The following KCND2 variants were observed in gnomAD, a reference collection of about 807,000 sequenced individuals.
KCND2 encodes the protein potassium voltage-gated channel subfamily D member 2, also known as A-type voltage-gated potassium channel KCND2.
A neutral mutation model predicts 54.4 loss-of-function variants in KCND2; 16 were observed. The ratio of observed to expected loss-of-function variants is 0.29; its 90% CI spans 0.20 to 0.45. KCND2 has a LOEUF of 0.45. Among genes scored for constraint, KCND2 ranks in the 20% least tolerant of loss-of-function variants. The pLI is 1.00. For synonymous variants in KCND2, 317 were observed against 310.7 expected, an observed-to-expected ratio of 1.02 and a Z score of -0.21; for missense variants, 486 against 824.2, an observed-to-expected ratio of 0.59 and a Z score of 5.02.
chr7:120,294,612 A>G (rs931097457), intron 1 of KCND2, among the ~76,000 whole-genome samples: 8 of 151,910 alleles, frequency 5.3e-5, no homozygotes, highest in Admixed American at 1.3e-4. Context: ...TATAGGTTCT[A>G]CCAAGCACCT....
intron 1 of KCND2, among the ~76,000 whole-genome samples, chr7:120,532,877 C>A (rs1285307324): frequency 6.6e-6 from 1 of 151,784 alleles, no homozygotes; most frequent in African/African-American, 2.4e-5. Flanking sequence ...ATAAGATAAG[C>A]CGCTATGTAG....
At chr7:120,535,368 A>G (rs147261631) in intron 1 of KCND2, among the ~76,000 whole-genome samples, 2 of 152,276 alleles carry the variant, frequency 1.3e-5, no homozygotes, top group African/African-American at 2.4e-5. Context: ...AAAAGTAACT[A>G]TAGGTAGACT....
At chr7:120,346,838 C>G (rs759174409) in intron 1 of KCND2, among the ~76,000 whole-genome samples, 13 of 152,116 alleles carry the variant, frequency 8.5e-5, no homozygotes, top group African/African-American at 1.9e-4. Flanking sequence ...AGACATTCCA[C>G]TGATTGACAT....
At chr7:120,495,897 T>G (rs1394797116) in intron 1 of KCND2, among the ~76,000 whole-genome samples, 1 of 152,114 alleles carries the variant, frequency 6.6e-6, no homozygotes, top group African/African-American at 2.4e-5. Context: ...CATATGGTTG[T>G]TTAACAGGCC....
At chr7:120,350,165 A>G (rs1800382214) in intron 1 of KCND2, among the ~76,000 whole-genome samples, 2 of 152,240 alleles carry the variant, frequency 1.3e-5, no homozygotes, top group South Asian at 4.1e-4. Flanking sequence ...CTTTAAATTC[A>G]GATTCTATAA....
intron 1 of KCND2, among the ~76,000 whole-genome samples, chr7:120,661,113 A>T (rs150789899): frequency 6.6e-6 from 1 of 152,284 alleles, no homozygotes; most frequent in Non-Finnish European, 1.5e-5. Flanking sequence ...ATCTCAAGCT[A>T]AATAATGATG....
intron 1 of KCND2, among the ~76,000 whole-genome samples, chr7:120,699,486 T>C (rs979171144): frequency 6.6e-6 from 1 of 152,084 alleles, no homozygotes; most frequent in Admixed American, 6.6e-5. Context: ...GTGGGAATGT[T>C]TTACAAATAA....
intron 1 of KCND2, among the ~76,000 whole-genome samples, chr7:120,539,862 T>G (rs760816782): frequency 6.6e-6 from 1 of 152,184 alleles, no homozygotes; most frequent in Non-Finnish European, 1.5e-5. Flanking sequence ...ATCCAACATA[T>G]CTGCTACTTT....
chr7:120,373,148 AT>A (rs1347110838), intron 1 of KCND2, among the ~76,000 whole-genome samples: 1 of 151,830 alleles, frequency 6.6e-6, no homozygotes, highest in African/African-American at 2.4e-5. Context: ...AACTTATTTA[AT>A]TTTTATAGGG....
At chr7:120,742,467 G>A (rs1395587135) in intron 3 of KCND2, 43 bp from the exon 4 acceptor site, 1 of 1,505,400 alleles carries the variant, frequency 6.6e-7, no homozygotes, top group Admixed American at 1.7e-5. Flanking sequence ...CGAGTTGTTT[G>A]CAAATAAAAT....
intron 1 of KCND2, among the ~76,000 whole-genome samples, chr7:120,504,594 T>A (rs2116321742): frequency 6.6e-6 from 1 of 152,016 alleles, no homozygotes; most frequent in Non-Finnish European, 1.5e-5. Context: ...TCTTGGTGTG[T>A]AATTTACTGA....
At chr7:120,694,754 C>A (rs1046526458) in intron 1 of KCND2, among the ~76,000 whole-genome samples, 1 of 152,150 alleles carries the variant, frequency 6.6e-6, no homozygotes, top group Non-Finnish European at 1.5e-5. Flanking sequence ...CAGCATTGGG[C>A]ATACTCAGAA....
Position 120,420,358 on chromosome 7 carries a change from A to G in KCND2, c.1115+144611A>G, listed in dbSNP as rs142176370. On this transcript the variant is annotated intron_variant, in intron 1 of 5. Coordinates refer to ENST00000331113, the MANE Select transcript of KCND2 (RefSeq NM_012281.3). Reference sequence around the variant, plus strand: ...AGACCCACTACCAGTGGTTCAATAGAACAGGCTCAATAGAGCAGTGCCTGG... The same window carrying G: ...AGACCCACTACCAGTGGTTCAATAGGACAGGCTCAATAGAGCAGTGCCTGG... 9.1e-4 allele frequency among the ~76,000 whole-genome samples: 138 copies of G among 152,348 alleles called. 2 individuals are homozygous for G. The East Asian group carries it at 0.017, about 19-fold the overall frequency.
intron 1 of KCND2, among the ~76,000 whole-genome samples, chr7:120,415,730 A>G (rs1801515462): frequency 6.6e-6 from 1 of 152,172 alleles, no homozygotes; most frequent in Non-Finnish European, 1.5e-5. Context: ...GTGACCCATG[A>G]TTATATCTCC....
In KCND2 at chr7:120,581,050, G is replaced by A. The variant is rs1407815861; in HGVS notation, c.1116-151853G>A. 2.6e-5 allele frequency among the ~76,000 whole-genome samples: 4 copies of A among 152,156 alleles called. No homozygotes were observed. In the South Asian group the frequency reaches 6.2e-4, roughly 24 times the overall value. On this transcript the variant is annotated intron_variant, in intron 1 of 5. Transcript: ENST00000331113. ...TTCAATAAAATATATGTGGTTGGTC[G>A]ATTCAAGTGGAAATTGAAACTACAA...
chr7:120,603,652 C>T (rs1294479210), intron 1 of KCND2, among the ~76,000 whole-genome samples: 1 of 152,192 alleles, frequency 6.6e-6, no homozygotes, highest in Admixed American at 6.6e-5. Flanking sequence ...TGGCTTTGAC[C>T]TCCTCCCCTG....
chr7:120,372,423 G>C (rs1205163420), intron 1 of KCND2, among the ~76,000 whole-genome samples: 1 of 151,452 alleles, frequency 6.6e-6, no homozygotes, highest in African/African-American at 2.4e-5. Flanking sequence ...TTAGTTCACT[G>C]GGCAATGAGC....
At chr7:120,350,044 A>T (rs1800379742) in intron 1 of KCND2, among the ~76,000 whole-genome samples, 1 of 152,070 alleles carries the variant, frequency 6.6e-6, no homozygotes, top group Admixed American at 6.6e-5. Flanking sequence ...AACTTTATAT[A>T]ACATAAAGAA....
intron 1 of KCND2, among the ~76,000 whole-genome samples, chr7:120,600,329 A>G (rs1346484372): frequency 6.6e-6 from 1 of 151,976 alleles, no homozygotes; most frequent in Admixed American, 6.6e-5. Flanking sequence ...TAATTTATTA[A>G]TAATTTAGTT....
Sources: allele counts gnomAD v4.1 joint callset (sites outside exome capture counted in the v4.1 genomes callset), GRCh38; gene constraint gnomAD v4.1.1; transcripts MANE v1.5; gene names NCBI Gene and HGNC (gene_info 2026-07-23, HGNC 2026-07-21).